Variants in UBA2 observed in about 807,000 individuals in gnomAD.
UBA2 encodes the protein SUMO-activating enzyme subunit 2.
In UBA2, 11 loss-of-function variants were observed where a neutral mutation model predicts 77.2. That is an observed-to-expected ratio of 0.14 (90% confidence interval 0.09 to 0.24). The LOEUF (loss-of-function observed/expected upper bound fraction) is 0.24, where lower values mean the gene tolerates loss of function less well. Ranked by LOEUF, UBA2 falls within the 10% of genes least tolerant of loss-of-function variation. The pLI, the probability that UBA2 is intolerant of heterozygous loss-of-function variation, is 1.00. For missense variants in UBA2, 487 were observed against 781.7 expected (o/e 0.62, Z 4.50); for synonymous variants, 278 against 276.7 (o/e 1.00, Z -0.05).
At chr19:34,442,353 A>G (rs1189617097) in intron 6 of UBA2, among the ~76,000 whole-genome samples, 2 of 152,264 alleles carry the variant, frequency 1.3e-5, no homozygotes, top group Non-Finnish European at 2.9e-5. Flanking sequence ...AAAATTAAGT[A>G]TAAGACCATA....
intron 5 of UBA2, among the ~76,000 whole-genome samples, chr19:34,437,583 C>G (rs1300379590): frequency 6.6e-6 from 1 of 151,908 alleles, no homozygotes; most frequent in African/African-American, 2.4e-5. Context: ...GCACTCCAAC[C>G]TGGGCAACGA....
chr19:34,428,381 G>T lies in UBA2; in HGVS notation c.-52G>T. On this transcript the variant is annotated 5_prime_UTR_variant, in exon 1 of 17. Transcript: ENST00000246548. ...GCCCTTCCCCCACCCGCTTCCGGCC[G>T]CGGCTCGGTTCTCCCGCCTCCGCCT... 8.1e-7 allele frequency: 1 copy of T among 1,230,642 alleles called. No homozygotes were observed. Among genetic ancestry groups the T allele is most frequent in the Non-Finnish European group, 1.0e-6 (1 of 986,286 alleles). 76.2% of individuals were successfully genotyped at this position (1,230,642 alleles called of 1,614,324 possible). A position where few individuals can be genotyped will look rare whatever the true frequency, so the allele number is the denominator to read the frequency against.
At chr19:34,429,675 A>C (rs2075229476) in intron 1 of UBA2, among the ~76,000 whole-genome samples, 1 of 151,804 alleles carries the variant, frequency 6.6e-6, no homozygotes, top group African/African-American at 2.4e-5. Context: ...CCGTCTCTAC[A>C]AAAAAAGAAA....
At chr19:34,450,939 T>G (rs2075487935) in intron 9 of UBA2, among the ~76,000 whole-genome samples, 1 of 151,998 alleles carries the variant, frequency 6.6e-6, no homozygotes, top group African/African-American at 2.4e-5. Flanking sequence ...TGTGATTATC[T>G]CTTTAAGATT....
chr19:34,445,699 A>G (rs2145521956), intron 8 of UBA2, among the ~76,000 whole-genome samples: 1 of 152,074 alleles, frequency 6.6e-6, no homozygotes, highest in Non-Finnish European at 1.5e-5. Context: ...TGGCTTCCCA[A>G]AGTGATGGGA....
rs779822348 is a variant in UBA2, at chr19:34,433,333, T to A, written c.294-15T>A. ...GCTAGTTATTTTGGTGACCTTTTTT[T>A]ATTTTGTTTTGTAGCCCTGACTATA... On this transcript the variant is annotated splice_polypyrimidine_tract_variant and intron_variant, in intron 3 of 16. Coordinates refer to ENST00000246548, the MANE Select transcript of UBA2 (RefSeq NM_005499.3). 7 of 1,601,266 alleles carry A rather than the reference T, an allele frequency of 4.4e-6. No individual in the cohort carries two copies. The Admixed American group carries it at 1.0e-4, about 23-fold the overall frequency.
chr19:34,466,468 A>C (rs1413776691), intron 15 of UBA2, among the ~76,000 whole-genome samples: 1 of 152,268 alleles, frequency 6.6e-6, no homozygotes, highest in African/African-American at 2.4e-5. Flanking sequence ...TTCAGCAATA[A>C]AAGTTATTTA....
At chr19:34,438,307 A>T (rs1220819376) in intron 5 of UBA2, among the ~76,000 whole-genome samples, 1 of 152,034 alleles carries the variant, frequency 6.6e-6, no homozygotes, top group African/African-American at 2.4e-5. Flanking sequence ...TTTCTTGGAA[A>T]GCTGCTGTTT....
At chr19:34,433,237 A>G (rs1011504919) in intron 3 of UBA2, 111 bp from the exon 4 acceptor site, 4 of 728,244 alleles carry the variant, frequency 5.5e-6, no homozygotes, top group Non-Finnish European at 9.5e-6. Context: ...TATAATCCTG[A>G]TATCAGTTTT....
chr19:34,461,286 G>A (rs1432783828), intron 14 of UBA2, among the ~76,000 whole-genome samples: 2 of 152,084 alleles, frequency 1.3e-5, no homozygotes, highest in Admixed American at 6.5e-5. Context: ...TTTGTCCATT[G>A]GTCATTTATT....
Position 34,454,572 on chromosome 19 carries a change from T to C in UBA2, c.1245+16T>C, listed in dbSNP as rs2075537352. On this transcript the variant is annotated intron_variant, in intron 12 of 16. Coordinates refer to ENST00000246548, the MANE Select transcript of UBA2 (RefSeq NM_005499.3). Reference sequence around the variant, plus strand: ...GTGCAGAACAGTGAGTATTTCTGTTTGCATTTTTATGCAACCCCCCTTAAA... The same window carrying C: ...GTGCAGAACAGTGAGTATTTCTGTTCGCATTTTTATGCAACCCCCCTTAAA... 2.4e-6 allele frequency: 3 copies of C among 1,246,492 alleles called. No individual in the cohort carries two copies. The highest frequency in any genetic ancestry group is 3.1e-5 in the African/African-American group (2 of 65,440). 77.2% of individuals were successfully genotyped at this position (1,246,492 alleles called of 1,614,324 possible). A position where few individuals can be genotyped will look rare whatever the true frequency, so the allele number is the denominator to read the frequency against.
chr19:34,450,382 G>C lies in UBA2; in HGVS notation c.871+18G>C, dbSNP rs541681554. 18 of 1,545,072 alleles carry C rather than the reference G, an allele frequency of 1.2e-5. No individual in the cohort carries two copies. Among genetic ancestry groups the C allele is most frequent in the Admixed American group, 1.0e-4 (5 of 49,692 alleles). On this transcript the variant is annotated intron_variant, in intron 9 of 16. Transcript: ENST00000246548. ...AAGTCAAGGTAAAGAATACATTTTA[G>C]TCTTGGAACACCTAAGCTGGAAATA...
chr19:34,456,776 A>G (rs945529785), intron 12 of UBA2, among the ~76,000 whole-genome samples: 3 of 152,012 alleles, frequency 2.0e-5, no homozygotes, highest in South Asian at 4.1e-4. Flanking sequence ...CAGGCTGGTC[A>G]TGAACTCCTG....
At chr19:34,433,243 G>C in intron 3 of UBA2, 105 bp from the exon 4 acceptor site, 1 of 774,600 alleles carries the variant, frequency 1.3e-6, no homozygotes, top group Non-Finnish European at 2.2e-6. Flanking sequence ...CCTGATATCA[G>C]TTTTGTTTAC....
intron 8 of UBA2, among the ~76,000 whole-genome samples, chr19:34,448,689 A>T (rs906539357): frequency 2.0e-5 from 3 of 152,156 alleles, no homozygotes; most frequent in African/African-American, 7.2e-5. Context: ...AACTCATTTG[A>T]GATTCTTTTG....
intron 10 of UBA2, among the ~76,000 whole-genome samples, chr19:34,452,444 A>G (rs2075511776): frequency 6.6e-6 from 1 of 152,220 alleles, no homozygotes; most frequent in Admixed American, 6.5e-5. Context: ...TGTAGAGTAG[A>G]TGTATTCATA....
intron 10 of UBA2, 84 bp from the exon 11 acceptor site, chr19:34,454,176 C>T: frequency 8.3e-7 from 1 of 1,204,918 alleles, no homozygotes; most frequent in South Asian, 1.4e-5. Flanking sequence ...GTATTATAAA[C>T]ACGTGAAAGT....
chr19:34,455,371 C>A (rs947152644), intron 12 of UBA2, among the ~76,000 whole-genome samples: 1 of 152,096 alleles, frequency 6.6e-6, no homozygotes, highest in African/African-American at 2.4e-5. Context: ...TTAAGAGTTC[C>A]TACCTTAGTG....
At chr19:34,438,548 G>A (rs2075334863) in intron 5 of UBA2, 97 bp from the exon 6 acceptor site, 9 of 1,433,304 alleles carry the variant, frequency 6.3e-6, no homozygotes, top group South Asian at 5.3e-5. Context: ...AACGTAAAAC[G>A]TAGTTGGAAT....
Sources: allele counts gnomAD v4.1 joint callset (sites outside exome capture counted in the v4.1 genomes callset), GRCh38; gene constraint gnomAD v4.1.1; transcripts MANE v1.5; gene names NCBI Gene and HGNC (gene_info 2026-07-23, HGNC 2026-07-21).